The following SYCE2 variants were observed in gnomAD, a reference collection of about 807,000 sequenced individuals.
SYCE2 encodes synaptonemal complex central element protein 2.
In SYCE2, 3 loss-of-function variants were observed where a neutral mutation model predicts 27.9. The ratio of observed to expected loss-of-function variants is 0.11; its 90% CI spans 0.05 to 0.28. The LOEUF (loss-of-function observed/expected upper bound fraction) is 0.28. Ranked by LOEUF, SYCE2 falls within the 10% of genes least tolerant of loss-of-function variation. SYCE2 has a pLI of 1.00. For synonymous variants in SYCE2, 85 were observed against 100.7 expected (o/e 0.84, Z 0.93); for missense variants, 207 against 263.5 (o/e 0.79, Z 1.48).
Position 12,918,313 on chromosome 19 carries a change from T to C in SYCE2, c.40A>G (p.Lys14Glu), listed in dbSNP as rs1484701953. 6 of 1,614,124 alleles carry C rather than the reference T, an allele frequency of 3.7e-6. No individual in the cohort carries two copies. The highest frequency in any genetic ancestry group is 5.1e-6 in the Non-Finnish European group (6 of 1,180,004). ...CCCAAGGGCTGCGGTTCCTGGTCTT[T>C]GCATTTCACATGGGGCACGTCCACC... is the stretch of plus-strand genomic sequence containing the variant. Reference protein sequence around the residue: ...QGVDVPHVKCKDQEPQPLGES... With the variant: ...QGVDVPHVKCEDQEPQPLGES... Residue 14 changes from lysine (K) to glutamate (E), a missense_variant, in exon 2 of 6, where the codon AAA becomes GAA. Lys to Glu is a moderately conservative substitution (Grantham distance 56). Coordinates refer to ENST00000293695, the MANE Select transcript of SYCE2 (RefSeq NM_001105578.2).
intron 3 of SYCE2, 104 bp downstream of exon 3, chr19:12,904,388 G>C (rs1970895956): frequency 7.3e-7 from 1 of 1,377,648 alleles, no homozygotes; most frequent in South Asian, 1.3e-5. Flanking sequence ...TGCTGTGTGT[G>C]AATGGCCTAG....
intron 3 of SYCE2, among the ~76,000 whole-genome samples, chr19:12,902,671 G>A (rs539805321): frequency 3.3e-5 from 5 of 151,894 alleles, no homozygotes; most frequent in East Asian, 1.9e-4. Flanking sequence ...CAAGTGAGCC[G>A]GGCATGATGT....
chr19:12,917,256 A>G (rs1280690370), intron 2 of SYCE2, among the ~76,000 whole-genome samples: 4 of 149,536 alleles, frequency 2.7e-5, no homozygotes, highest in African/African-American at 9.9e-5. Context: ...GGGTTTCACC[A>G]TATTGGCCAG....
intron 1 of SYCE2, 95 bp from the exon 2 acceptor site, chr19:12,918,432 G>T: frequency 8.6e-7 from 1 of 1,162,198 alleles, no homozygotes; most frequent in East Asian, 2.4e-5. Flanking sequence ...ACCTCGATGT[G>T]CTGCTGCGGG....
intron 3 of SYCE2, 101 bp downstream of exon 3, chr19:12,904,391 T>TG (rs1428223687): frequency 7.2e-7 from 1 of 1,397,942 alleles, no homozygotes; most frequent in Non-Finnish European, 9.9e-7. Flanking sequence ...TGTGTGTGAA[T>TG]GGCCTAGCAC....
intron 2 of SYCE2, among the ~76,000 whole-genome samples, chr19:12,911,803 A>G (rs1971051223): frequency 6.6e-6 from 1 of 151,896 alleles, no homozygotes; most frequent in African/African-American, 2.4e-5. Flanking sequence ...TTTTTAGTAG[A>G]GATAGGGTTT....
intron 3 of SYCE2, 150 bp from the exon 4 acceptor site, chr19:12,900,798 C>G: frequency 4.2e-6 from 3 of 708,026 alleles, no homozygotes; most frequent in Middle Eastern, 4.1e-4. Flanking sequence ...AACCCCAGCA[C>G]TTTGGTAGGC....
Position 12,899,397 on chromosome 19 carries a change from T to G in SYCE2, c.613-12A>C. On this transcript the variant is annotated splice_polypyrimidine_tract_variant and intron_variant, in intron 5 of 5. Transcript: ENST00000293695. ...TCTGAAGCAGTGGCCTGGGGATACA[T>G]GAAAATTGATTTTAAAGGGAAGTTG... 1.2e-6 allele frequency: 2 copies of G among 1,614,102 alleles called. No homozygotes were observed. Among genetic ancestry groups the G allele is most frequent in the Non-Finnish European group, 1.7e-6 (2 of 1,179,992 alleles).
intron 3 of SYCE2, among the ~76,000 whole-genome samples, chr19:12,903,211 C>T (rs1970874764): frequency 6.6e-6 from 1 of 151,534 alleles, no homozygotes; most frequent in Admixed American, 6.6e-5. Flanking sequence ...CCTGCCTCAG[C>T]CTCCTGAGTA....
chr19:12,907,871 C>CG (rs907282047), intron 2 of SYCE2, among the ~76,000 whole-genome samples: 3 of 152,038 alleles, frequency 2.0e-5, no homozygotes, highest in Non-Finnish European at 4.4e-5. Context: ...ACCAGCACTT[C>CG]GGGGGGCTAA....
At chr19:12,915,494 C>G (rs891763775) in intron 2 of SYCE2, among the ~76,000 whole-genome samples, 7 of 149,172 alleles carry the variant, frequency 4.7e-5, no homozygotes, top group African/African-American at 1.7e-4. Flanking sequence ...CCCAGCTACT[C>G]GGGAGGCTAA....
At chr19:12,918,620 G>A (rs1971182564) in intron 1 of SYCE2, among the ~76,000 whole-genome samples, 1 of 152,164 alleles carries the variant, frequency 6.6e-6, no homozygotes, top group African/African-American at 2.4e-5. Flanking sequence ...ACTGGTATGT[G>A]TGTTGGCTGG....
intron 2 of SYCE2, among the ~76,000 whole-genome samples, chr19:12,914,683 C>A (rs1971106839): frequency 6.6e-6 from 1 of 152,194 alleles, no homozygotes; most frequent in South Asian, 2.1e-4. Context: ...AATCTTGGCT[C>A]AGTGCAACCT....
chr19:12,915,934 G>A (rs1971130324), intron 2 of SYCE2, among the ~76,000 whole-genome samples: 1 of 152,282 alleles, frequency 6.6e-6, no homozygotes, highest in Middle Eastern at 3.4e-3. Flanking sequence ...TGCCCACAGG[G>A]GAAAGGTCTC....
At position 12,898,989 on chromosome 19, in the gene SYCE2, C is replaced by T. The variant is rs541628118; in HGVS notation, c.*352G>A. 645 of 347,588 alleles carry T rather than the reference C, an allele frequency of 1.9e-3. 3 individuals are homozygous for T. The highest frequency in any genetic ancestry group is 0.013 in the African/African-American group (602 of 47,394). The allele number at this position is 347,588 out of a possible 1,614,324, so 21.5% of individuals were successfully genotyped here. A position where few individuals can be genotyped will look rare whatever the true frequency, so the allele number is the denominator to read the frequency against. On this transcript the variant is annotated 3_prime_UTR_variant, in exon 6 of 6. Coordinates refer to ENST00000293695, the MANE Select transcript of SYCE2 (RefSeq NM_001105578.2). ...ACTGCTCTTCCGATGTGCTGTCCCT[C>T]CTATCCCTCCCGAGGGTAAGAAAGG...
In SYCE2 at chr19:12,914,928, A is replaced by C. The variant is rs562828338; in HGVS notation, c.131+3294T>G. Among the ~76,000 whole-genome samples the C allele has an allele frequency of 7.9e-5, 12 of 152,324 alleles. No individual in the cohort carries two copies. The East Asian group carries it at 2.3e-3, about 29-fold the overall frequency. On this transcript the variant is annotated intron_variant, in intron 2 of 5. Coordinates refer to ENST00000293695, the MANE Select transcript of SYCE2 (RefSeq NM_001105578.2). ...CCGGCCTGCAGCCGTATCTTTTTATAACGGGAACCTGAGCATGTCACTTCT... is the reference window on the plus strand; with the variant it reads ...CCGGCCTGCAGCCGTATCTTTTTATCACGGGAACCTGAGCATGTCACTTCT...
chr19:12,918,967 AGAAAT>A (rs1971191702), intron 1 of SYCE2, among the ~76,000 whole-genome samples: 1 of 151,392 alleles, frequency 6.6e-6, no homozygotes, highest in Admixed American at 6.6e-5. Flanking sequence ...AAAAAAAAAA[AGAAAT>A]GAAAGAAACG....
In SYCE2 at chr19:12,907,463, C is replaced by T. The variant is rs1240901384; in HGVS notation, c.132-2797G>A. On this transcript the variant is annotated intron_variant, in intron 2 of 5. Transcript: ENST00000293695. ...CAGTTCCTGAATGCAGCAGGTCACACTTGTGTCCACAAGCAGGTTACTGAT... is the reference window on the plus strand; with the variant it reads ...CAGTTCCTGAATGCAGCAGGTCACATTTGTGTCCACAAGCAGGTTACTGAT... Among the ~76,000 whole-genome samples the T allele has an allele frequency of 5.3e-5, 8 of 152,196 alleles. No individual in the cohort carries two copies. The East Asian group carries it at 1.3e-3, about 26-fold the overall frequency.
In SYCE2 at chr19:12,900,568, G is replaced by A; in HGVS notation, c.387C>T (p.Leu129=). 1 of 1,614,108 alleles carries A rather than the reference G, an allele frequency of 6.2e-7. No individual in the cohort carries two copies. The highest frequency in any genetic ancestry group is 8.5e-7 in the Non-Finnish European group (1 of 1,180,036). ...TTGCCATTTTCTGGGTGAACTCTTG[G>A]AGCTTTTCCTGGATGATCTTGTTGT... The part of the protein sequence containing the change: ...NDHNKIIQEK[L]QEFTQKMAKI... The change falls in exon 4 of 6, where the codon CTC becomes CTT. Residue 129 remains leucine, a synonymous_variant. Coordinates refer to ENST00000293695, the MANE Select transcript of SYCE2 (RefSeq NM_001105578.2).
Sources: gnomAD v4.1 joint callset for allele counts (sites outside exome capture counted in the v4.1 genomes callset) on GRCh38, gnomAD v4.1.1 for gene constraint, MANE v1.5 for transcripts, NCBI Gene and HGNC (gene_info 2026-07-23, HGNC 2026-07-21) for gene names.